AFG2A: variants seen among roughly 807,000 people sequenced by gnomAD.
The protein encoded by AFG2A is AAA ATPase AFG2A, also known as ATPase family gene 2 protein homolog A.
chr4:123,094,301 T>G, the AFG2A span, among the ~76,000 whole-genome samples: 1 of 152,120 alleles, frequency 6.6e-6, no homozygotes, highest in East Asian at 1.9e-4. Flanking sequence ...AGAGCCGGGG[T>G]GGCATAGTGA....
the AFG2A span, among the ~76,000 whole-genome samples, chr4:123,267,810 C>T: frequency 4.1e-5 from 3 of 73,762 alleles, no homozygotes; most frequent in East Asian, 5.3e-4. Context: ...TTATTTTGAA[C>T]TTTTATTTCT....
the AFG2A span, among the ~76,000 whole-genome samples, chr4:123,084,512 A>G: frequency 6.6e-6 from 1 of 151,420 alleles, no homozygotes; most frequent in African/African-American, 2.4e-5. Context: ...TAGACAATAG[A>G]ACTTTGATAA....
At chr4:123,151,113 A>G in the AFG2A span, among the ~76,000 whole-genome samples, 1 of 152,242 alleles carries the variant, frequency 6.6e-6, no homozygotes, top group Admixed American at 6.5e-5. Flanking sequence ...TTATACAAAA[A>G]TTAACTCAAG....
chr4:123,128,942 A>G, the AFG2A span, among the ~76,000 whole-genome samples: 1 of 152,180 alleles, frequency 6.6e-6, no homozygotes, highest in Non-Finnish European at 1.5e-5. Flanking sequence ...CTTGTTAATA[A>G]TTTTCAAACT....
chr4:123,143,653 T>A, the AFG2A span, among the ~76,000 whole-genome samples: 1 of 151,666 alleles, frequency 6.6e-6, no homozygotes, highest in African/African-American at 2.4e-5. Flanking sequence ...GTTAATAAAT[T>A]GGCATTATAT....
chr4:123,133,081 A>C, the AFG2A span, among the ~76,000 whole-genome samples: 1 of 152,080 alleles, frequency 6.6e-6, no homozygotes, highest in Admixed American at 6.6e-5. Context: ...CGCCCAGCCG[A>C]TTTCAATCCT....
chr4:123,308,737 A>C, the AFG2A span, among the ~76,000 whole-genome samples: 5 of 152,230 alleles, frequency 3.3e-5, no homozygotes, highest in African/African-American at 1.2e-4. Context: ...TAAAAATACT[A>C]TAGATTGGCC....
chr4:123,164,124 T>C, the AFG2A span, among the ~76,000 whole-genome samples: 12 of 152,328 alleles, frequency 7.9e-5, no homozygotes, highest in Non-Finnish European at 1.3e-4. Flanking sequence ...TGGGCTCTTA[T>C]ATAAATTCAG....
chr4:123,272,857 G>T, the AFG2A span, among the ~76,000 whole-genome samples: 1 of 152,132 alleles, frequency 6.6e-6, no homozygotes, highest in Non-Finnish European at 1.5e-5. Flanking sequence ...AGATAGTGGT[G>T]GGGGCAGGGT....
chr4:123,081,274 C>T, the AFG2A span, among the ~76,000 whole-genome samples: 4 of 152,236 alleles, frequency 2.6e-5, no homozygotes, highest in Admixed American at 2.0e-4. Context: ...TCTGCCTCCT[C>T]TGTAACCAGG....
the AFG2A span, among the ~76,000 whole-genome samples, chr4:123,106,864 G>A: frequency 9.2e-5 from 14 of 152,248 alleles, no homozygotes; most frequent in African/African-American, 2.7e-4. Flanking sequence ...AAGGGCGAGC[G>A]AGGCGTGGAG....
the AFG2A span, among the ~76,000 whole-genome samples, chr4:123,239,698 A>G: frequency 6.6e-6 from 1 of 152,238 alleles, no homozygotes; most frequent in Non-Finnish European, 1.5e-5. Context: ...AAGGAAAGGA[A>G]CAACCAGTAC....
chr4:123,195,947 A>G, the AFG2A span, among the ~76,000 whole-genome samples: 48 of 152,004 alleles, frequency 3.2e-4, no homozygotes, highest in African/African-American at 1.1e-3. Flanking sequence ...GCCAAATACA[A>G]GTCAAATCTT....
chr4:123,075,089 G>A, the AFG2A span, among the ~76,000 whole-genome samples: 2 of 151,872 alleles, frequency 1.3e-5, no homozygotes, highest in African/African-American at 2.4e-5. Context: ...GATTACAGGT[G>A]CATGCCACCA....
the AFG2A span, among the ~76,000 whole-genome samples, chr4:123,265,982 G>T: frequency 6.6e-6 from 1 of 151,890 alleles, no homozygotes; most frequent in Non-Finnish European, 1.5e-5. Context: ...TGGAGGTGGG[G>T]GTTAGGTTCT....
the AFG2A span, among the ~76,000 whole-genome samples, chr4:123,134,993 A>G: frequency 6.6e-6 from 1 of 152,210 alleles, no homozygotes; most frequent in Non-Finnish European, 1.5e-5. Flanking sequence ...ATGATCATTG[A>G]TGTAAAAATT....
At chr4:123,108,514 A>G in the AFG2A span, among the ~76,000 whole-genome samples, 5 of 152,154 alleles carry the variant, frequency 3.3e-5, no homozygotes, top group African/African-American at 9.7e-5. Context: ...TGCCAGTACA[A>G]TTTATGGCCT....
chr4:122,939,071 C>CTCTCTTTTTTTTT, the AFG2A span, among the ~76,000 whole-genome samples: 7 of 76,210 alleles, frequency 9.2e-5, 3 homozygotes, highest in Non-Finnish European at 9.8e-5. Flanking sequence ...GGGATATGTT[C>CTCTCTTTTTTTTT]TTTCTTTTTT....
At chr4:122,940,998 T>C in the AFG2A span, among the ~76,000 whole-genome samples, 10 of 151,800 alleles carry the variant, frequency 6.6e-5, no homozygotes, top group Non-Finnish European at 1.5e-4. Context: ...TCTATATCTC[T>C]GTTTTGGTAC....
Sources: gnomAD v4.1 joint callset for allele counts (sites outside exome capture counted in the v4.1 genomes callset) on GRCh38, gnomAD v4.1.1 for gene constraint, MANE v1.5 for transcripts, NCBI Gene and HGNC (gene_info 2026-07-23, HGNC 2026-07-21) for gene names.